Variants in ZNF189 observed in about 807,000 individuals in gnomAD.
ZNF189 encodes zinc finger protein 189.
In ZNF189, 33 loss-of-function variants were observed where a neutral mutation model predicts 53.5. The observed-to-expected ratio is 0.62, with a 90% CI of 0.47 to 0.82. ZNF189 has a LOEUF of 0.82. Among genes scored for constraint, ZNF189 ranks in the 40% least tolerant of loss-of-function variants. The probability of loss-of-function intolerance (pLI) is 0.00; values close to 1 mark genes in which losing one functional copy is unlikely to be tolerated. For synonymous variants in ZNF189, 247 were observed against 238.8 expected, an observed-to-expected ratio of 1.03 and a Z score of -0.32; for missense variants, 711 against 753.9, an observed-to-expected ratio of 0.94 and a Z score of 0.67.
intron 2 of ZNF189, among the ~76,000 whole-genome samples, chr9:101,406,170 A>G (rs956965834): frequency 6.6e-6 from 1 of 152,136 alleles, no homozygotes; most frequent in Non-Finnish European, 1.5e-5. Flanking sequence ...TGCAGAATAG[A>G]TTGAATAGGA....
chr9:101,408,671 AT>A lies in ZNF189; in HGVS notation c.905del (p.Leu302CysfsTer26). ...GTAAGAAGAGCTTTAGTCGAAATTC[AT>A]TGCTTGTTGAGCATCAAAGAATTCA... ...KCKKSFSRNS[L>X]LVEHQRIHTG... On this transcript the variant is annotated frameshift_variant, in exon 3 of 3. Coordinates refer to ENST00000339664, the MANE Select transcript of ZNF189 (RefSeq NM_003452.4). LOFTEE classifies it high-confidence loss of function. 6.2e-7 allele frequency: 1 copy of A among 1,614,162 alleles called. No individual in the cohort carries two copies. Among genetic ancestry groups the A allele is most frequent in the Non-Finnish European group, 8.5e-7 (1 of 1,180,028 alleles).
Position 101,409,664 on chromosome 9 carries a change from A to G in ZNF189, c.*15A>G, listed in dbSNP as rs975873200. ...GGATGCAATAAATGTAGAGCAATAC[A>G]TAAGCTCAATTTGATTTGAGACTAG... On this transcript the variant is annotated 3_prime_UTR_variant, in exon 3 of 3. Coordinates refer to ENST00000339664, the MANE Select transcript of ZNF189 (RefSeq NM_003452.4). 1.9e-6 allele frequency: 3 copies of G among 1,575,940 alleles called. No homozygotes were observed. Among genetic ancestry groups the G allele is most frequent in the Non-Finnish European group, 1.7e-6 (2 of 1,163,814 alleles).
In ZNF189 at chr9:101,408,022, C is replaced by A. The variant is rs752852075; in HGVS notation, c.254C>A (p.Thr85Lys). The A allele has an allele frequency of 6.2e-6, 10 of 1,613,418 alleles. No individual in the cohort carries two copies. The South Asian group carries it at 1.1e-4, about 18-fold the overall frequency. The change falls in exon 3 of 3, where the codon ACA becomes AAA. Residue 85 changes from threonine (T) to lysine (K), a missense_variant. Thr to Lys is a moderately conservative substitution (Grantham distance 78). Coordinates refer to ENST00000339664, the MANE Select transcript of ZNF189 (RefSeq NM_003452.4). ...GTGGAACCACAGGGTGTAATAGTTA[C>A]AAGAATCAAAAGTGAAATTGACCAG... ...EEVEPQGVIV[T>K]RIKSEIDQDP...
chr9:101,409,518 G>A lies in ZNF189; in HGVS notation c.1750G>A (p.Val584Ile), dbSNP rs1369221825. ...DKSFSQQRSL[V>I]NHQKIHAEVK... ...AAGTTTCAGTCAACAGCGCAGTCTT[G>A]TCAACCATCAGAAGATCCATGCAGA... The change falls in exon 3 of 3, where the codon GTC (valine) becomes ATC (isoleucine). Residue 584 changes from valine to isoleucine, a missense_variant. By Grantham distance (29) the Val-to-Ile change is conservative. Coordinates refer to ENST00000339664, the MANE Select transcript of ZNF189 (RefSeq NM_003452.4). 6.2e-7 allele frequency: 1 copy of A among 1,614,068 alleles called. No homozygotes were observed. Among genetic ancestry groups the A allele is most frequent in the Non-Finnish European group, 8.5e-7 (1 of 1,179,996 alleles).
intron 1 of ZNF189, 60 bp downstream of exon 1, chr9:101,399,249 C>T: frequency 2.8e-6 from 4 of 1,453,868 alleles, no homozygotes; most frequent in Admixed American, 4.0e-5. Context: ...CTAGGCCGCA[C>T]CACTGCTTTC....
At chr9:101,401,378 T>C (rs1244755579) in intron 2 of ZNF189, among the ~76,000 whole-genome samples, 2 of 152,214 alleles carry the variant, frequency 1.3e-5, no homozygotes, top group Non-Finnish European at 2.9e-5. Flanking sequence ...CTGCCTCTTA[T>C]CTACACACTT....
At chr9:101,400,250 G>A (rs1171333410) in intron 2 of ZNF189, among the ~76,000 whole-genome samples, 10 of 152,020 alleles carry the variant, frequency 6.6e-5, no homozygotes, top group Non-Finnish European at 1.3e-4. Context: ...TGTACTTTCC[G>A]TCCTGGCTCA....
intron 2 of ZNF189, among the ~76,000 whole-genome samples, chr9:101,404,384 A>ATG (rs10624543): frequency 0.54 from 82,393 of 151,760 alleles, 22,477 homozygotes; most frequent in South Asian, 0.68. Flanking sequence ...TTTGATTGGA[A>ATG]TGATTAGTTT....
At chr9:101,401,429 G>T (rs1033996573) in intron 2 of ZNF189, among the ~76,000 whole-genome samples, 1 of 152,064 alleles carries the variant, frequency 6.6e-6, no homozygotes, top group Non-Finnish European at 1.5e-5. Context: ...AAACTAATCA[G>T]TCATTCTTTT....
intron 2 of ZNF189, among the ~76,000 whole-genome samples, chr9:101,402,716 GTAGA>G (rs770481497): frequency 6.6e-6 from 1 of 152,134 alleles, no homozygotes; most frequent in African/African-American, 2.4e-5. Flanking sequence ...TGTGAGGATG[GTAGA>G]TATACCTGTT....
Position 101,398,879 on chromosome 9 carries a change from G to A in ZNF189, c.-278G>A, listed in dbSNP as rs1830417712. The A allele has an allele frequency of 5.1e-6, 3 of 592,966 alleles. No individual in the cohort carries two copies. Among genetic ancestry groups the A allele is most frequent in the African/African-American group, 3.7e-5 (2 of 53,374 alleles). The allele number at this position is 592,966 out of a possible 1,614,324, so 36.7% of individuals were successfully genotyped here. A position where few individuals can be genotyped will look rare whatever the true frequency, so the allele number is the denominator to read the frequency against. On this transcript the variant is annotated 5_prime_UTR_variant, in exon 1 of 3. Coordinates refer to ENST00000339664, the MANE Select transcript of ZNF189 (RefSeq NM_003452.4). Reference sequence around the variant, plus strand: ...CATAGCGTTACTTGGCTGCAAGGAGGAGGAACTGGCAGCGGGGAGGAGGCT... The same window carrying A: ...CATAGCGTTACTTGGCTGCAAGGAGAAGGAACTGGCAGCGGGGAGGAGGCT...
rs763558853 is a variant in ZNF189, at chr9:101,408,636, T to C, written c.868T>C (p.Cys290Arg). ...TCACACTGGTGAGAAACCTTATCAC[T>C]GTACCAAATGTAAGAAGAGCTTTAG... is the stretch of plus-strand genomic sequence containing the variant. ...RTHTGEKPYHCTKCKKSFSRN... is the reference protein window; with the variant it reads ...RTHTGEKPYHRTKCKKSFSRN... The change falls in exon 3 of 3, where the codon TGT (cysteine) becomes CGT (arginine). Residue 290 changes from cysteine (C) to arginine (R), a missense_variant. Physicochemically the swap from Cys to Arg is radical, Grantham distance 180. Transcript: ENST00000339664. 1 of 1,614,098 alleles carries C rather than the reference T, an allele frequency of 6.2e-7. No homozygotes were observed. The highest frequency in any genetic ancestry group is 1.1e-5 in the South Asian group (1 of 91,080).
At position 101,398,858 on chromosome 9, in the gene ZNF189, G is replaced by A; in HGVS notation, c.-299G>A. On this transcript the variant is annotated 5_prime_UTR_variant, in exon 1 of 3. Coordinates refer to ENST00000339664, the MANE Select transcript of ZNF189 (RefSeq NM_003452.4). ...TCTGGTCCGGGGGCGGGCGGTCATAGCGTTACTTGGCTGCAAGGAGGAGGA... is the reference window on the plus strand; with the variant it reads ...TCTGGTCCGGGGGCGGGCGGTCATAACGTTACTTGGCTGCAAGGAGGAGGA... 1 of 597,892 alleles carries A rather than the reference G, an allele frequency of 1.7e-6. No homozygotes were observed. Among genetic ancestry groups the A allele is most frequent in the East Asian group, 2.8e-5 (1 of 35,546 alleles). The allele number at this position is 597,892 out of a possible 1,614,324, so 37.0% of individuals were successfully genotyped here.
intron 2 of ZNF189, chr9:101,407,514 T>G (rs1013611888): frequency 2.5e-6 from 1 of 400,312 alleles, no homozygotes; most frequent in Admixed American, 4.4e-5. Flanking sequence ...CTCAGCTACC[T>G]GAGTAGCTGG....
Position 101,409,619 on chromosome 9 carries a change from T to C in ZNF189, c.1851T>C (p.His617=). The change falls in exon 3 of 3, where the codon CAT becomes CAC. Residue 617 remains histidine, a synonymous_variant. Transcript: ENST00000339664. Reference sequence around the variant, plus strand: ...ATTGCCGTATTTCTCTTATTCAGCATCAGAAATTGCACACAGCATGGATGC... The same window carrying C: ...ATTGCCGTATTTCTCTTATTCAGCACCAGAAATTGCACACAGCATGGATGC... ...AFNCRISLIQ[H]QKLHTAWMQ The C allele has an allele frequency of 6.2e-6, 10 of 1,611,456 alleles. No homozygotes were observed. The highest frequency in any genetic ancestry group is 8.5e-6 in the Non-Finnish European group (10 of 1,179,238).
rs1281107595 is a variant in ZNF189, at chr9:101,410,598, G to A, written c.*949G>A. 6.6e-6 allele frequency: 1 copy of A among 152,148 alleles called. No individual in the cohort carries two copies. Among genetic ancestry groups the A allele is most frequent in the African/African-American group, 2.4e-5 (1 of 41,416 alleles). The allele number at this position is 152,148 out of a possible 1,614,324, so 9.4% of individuals were successfully genotyped here. A position where few individuals can be genotyped will look rare whatever the true frequency, so the allele number is the denominator to read the frequency against. Reference sequence around the variant, plus strand: ...GTTCTAGGGCTTCCCTTAGTTAATGGTTATTATAAACCTATTAATTCATCT... The same window carrying A: ...GTTCTAGGGCTTCCCTTAGTTAATGATTATTATAAACCTATTAATTCATCT... On this transcript the variant is annotated 3_prime_UTR_variant, in exon 3 of 3. Coordinates refer to ENST00000339664, the MANE Select transcript of ZNF189 (RefSeq NM_003452.4).
intron 2 of ZNF189, among the ~76,000 whole-genome samples, chr9:101,401,472 C>T (rs997153802): frequency 6.6e-5 from 10 of 152,116 alleles, no homozygotes; most frequent in African/African-American, 2.4e-4. Context: ...ATTTCTTCTC[C>T]CTTGGTACCC....
At chr9:101,404,327 T>A (rs1184010208) in intron 2 of ZNF189, among the ~76,000 whole-genome samples, 1 of 152,212 alleles carries the variant, frequency 6.6e-6, no homozygotes, top group African/African-American at 2.4e-5. Context: ...TAGTCTGCCT[T>A]CTTCTAAACT....
chr9:101,404,596 TACTA>T (rs1373127297), intron 2 of ZNF189, among the ~76,000 whole-genome samples: 2 of 152,212 alleles, frequency 1.3e-5, no homozygotes, highest in Non-Finnish European at 2.9e-5. Flanking sequence ...GTATAATATT[TACTA>T]ACTTTTTTTG....
Sources: allele counts gnomAD v4.1 joint callset (sites outside exome capture counted in the v4.1 genomes callset), GRCh38; gene constraint gnomAD v4.1.1; transcripts MANE v1.5; gene names NCBI Gene and HGNC (gene_info 2026-07-23, HGNC 2026-07-21).